The following CD5L variants were observed in gnomAD, a reference collection of about 807,000 sequenced individuals.
CD5L encodes the protein CD5 molecule like.
Under a neutral mutation model 40.8 loss-of-function variants are expected in CD5L, and 39 were observed. The observed-to-expected ratio is 0.96, with a 90% CI of 0.74 to 1.25. CD5L has a LOEUF of 1.25. CD5L is among the 50% of genes most tolerant of loss of function. The pLI is 0.00. For missense variants in CD5L, 433 were observed against 435.9 expected, an observed-to-expected ratio of 0.99 and a Z score of 0.06; for synonymous variants, 192 against 169.6, an observed-to-expected ratio of 1.13 and a Z score of -1.03.
intron 1 of CD5L, 48 bp downstream of exon 1, chr1:157,841,626 G>C: frequency 6.4e-7 from 1 of 1,571,578 alleles, no homozygotes; most frequent in Non-Finnish European, 8.7e-7. Context: ...CCTAATCAAA[G>C]TGCCAGAAAA....
At chr1:157,830,771 C>T (rs75442953), downstream of CD5L, 986 of 185,688 alleles carry the variant, frequency 5.3e-3, 11 homozygotes, top group African/African-American at 0.022. Context: ...GACAGTTGCA[C>T]ACCCAGAGGA....
intron 5 of CD5L, among the ~76,000 whole-genome samples, chr1:157,832,686 G>A (rs1476156155): frequency 6.6e-6 from 1 of 152,124 alleles, no homozygotes; most frequent in Non-Finnish European, 1.5e-5. Flanking sequence ...TTAAAATCTA[G>A]GAGTGATGAC....
chr1:157,829,031 G>A (rs1325443813), downstream of CD5L, among the ~76,000 whole-genome samples: 5 of 152,204 alleles, frequency 3.3e-5, no homozygotes, highest in Non-Finnish European at 7.3e-5. Flanking sequence ...GCTTCTGATA[G>A]CTCCTCTCCC....
At chr1:157,834,331 T>G in intron 4 of CD5L, 76 bp downstream of exon 4, 1 of 1,257,266 alleles carries the variant, frequency 8.0e-7, no homozygotes. Context: ...AGTAGCTCTT[T>G]GTAAATACTG....
At chr1:157,841,629 C>A in intron 1 of CD5L, 45 bp downstream of exon 1, 1 of 1,583,640 alleles carries the variant, frequency 6.3e-7, no homozygotes, top group African/African-American at 1.3e-5. Context: ...AATCAAAGTG[C>A]CAGAAAACTC....
intron 2 of CD5L, among the ~76,000 whole-genome samples, chr1:157,837,018 A>G (rs1656236620): frequency 6.6e-6 from 1 of 152,132 alleles, no homozygotes; most frequent in African/African-American, 2.4e-5. Flanking sequence ...GCACTTTGGG[A>G]GGCTGAGGCA....
intron 1 of CD5L, among the ~76,000 whole-genome samples, chr1:157,840,854 G>T (rs1185040279): frequency 6.6e-6 from 1 of 152,148 alleles, no homozygotes; most frequent in Admixed American, 6.5e-5. Flanking sequence ...TGAGTGATGT[G>T]GGGGATGCAT....
chr1:157,838,748 T>G (rs1656286724), intron 2 of CD5L, among the ~76,000 whole-genome samples: 1 of 152,140 alleles, frequency 6.6e-6, no homozygotes, highest in Non-Finnish European at 1.5e-5. Flanking sequence ...TAGCAATGTT[T>G]CTGGCTGCCC....
intron 1 of CD5L, 119 bp from the exon 2 acceptor site, chr1:157,839,529 A>G (rs1656308676): frequency 1.6e-5 from 16 of 1,006,434 alleles, no homozygotes; most frequent in South Asian, 7.7e-5. Context: ...AGAGCCTCCA[A>G]TGTCAGTCCT....
chr1:157,828,527 A>T (rs1471116886), downstream of CD5L, among the ~76,000 whole-genome samples: 3 of 152,200 alleles, frequency 2.0e-5, no homozygotes, highest in Non-Finnish European at 4.4e-5. Context: ...AATCAATGGC[A>T]TATGAGATTC....
intron 2 of CD5L, 89 bp downstream of exon 2, chr1:157,839,295 A>T: frequency 7.7e-7 from 1 of 1,298,196 alleles, no homozygotes; most frequent in Non-Finnish European, 1.1e-6. Flanking sequence ...CCTGTTTTGA[A>T]CAAGTCTTTC....
intron 2 of CD5L, among the ~76,000 whole-genome samples, chr1:157,836,675 T>G (rs771952203): frequency 6.6e-6 from 1 of 152,190 alleles, no homozygotes; most frequent in African/African-American, 2.4e-5. Context: ...GAAGTCAGAT[T>G]GAGGCAGAGT....
At chr1:157,829,996 G>A (rs1656004556), downstream of CD5L, among the ~76,000 whole-genome samples, 1 of 152,112 alleles carries the variant, frequency 6.6e-6, no homozygotes, top group African/African-American at 2.4e-5. Flanking sequence ...ATGTGGTAAA[G>A]CATTTTCTTT....
Position 157,841,807 on chromosome 1 carries a change from A to G in CD5L, c.-106T>C, listed in dbSNP as rs1571456515. The G allele has an allele frequency of 1.3e-5, 12 of 929,288 alleles. No homozygotes were observed. The East Asian group carries it at 3.1e-4, about 24-fold the overall frequency. The allele number at this position is 929,288 out of a possible 1,614,324, so 57.6% of individuals were successfully genotyped here. A position where few individuals can be genotyped will look rare whatever the true frequency, so the allele number is the denominator to read the frequency against. On this transcript the variant is annotated 5_prime_UTR_variant, in exon 1 of 6. Transcript: ENST00000368174. ...AAGTATGTTAAGAGGAGGGACAAAGACAGGTCCTGAGTGCAGGCAAAGCAT... is the reference window on the plus strand; with the variant it reads ...AAGTATGTTAAGAGGAGGGACAAAGGCAGGTCCTGAGTGCAGGCAAAGCAT...
Position 157,831,621 on chromosome 1 carries a change from G to C in CD5L, c.*343C>G, listed in dbSNP as rs1454966054. 1 of 1,111,494 alleles carries C rather than the reference G, an allele frequency of 9.0e-7. No individual in the cohort carries two copies. The highest frequency in any genetic ancestry group is 1.1e-6 in the Non-Finnish European group (1 of 911,696). 68.9% of individuals were successfully genotyped at this position (1,111,494 alleles called of 1,614,324 possible). ...GTTTGCAGACATAGACCTTAGTAAT[G>C]GTCTGCACATCTGACCAAAGTGACA... On this transcript the variant is annotated 3_prime_UTR_variant, in exon 6 of 6. Coordinates refer to ENST00000368174, the MANE Select transcript of CD5L (RefSeq NM_005894.3).
chr1:157,833,724 G>T (rs1006853834), intron 4 of CD5L, among the ~76,000 whole-genome samples: 9 of 149,616 alleles, frequency 6.0e-5, no homozygotes, highest in African/African-American at 2.2e-4. Context: ...TCCCACCTCA[G>T]CCTCCCGAGT....
intron 2 of CD5L, among the ~76,000 whole-genome samples, chr1:157,836,599 C>T (rs1476319956): frequency 1.3e-5 from 2 of 152,112 alleles, no homozygotes; most frequent in Admixed American, 1.3e-4. Flanking sequence ...AGCTCCAGGC[C>T]AGAACAGAGG....
chr1:157,839,221 G>T (rs966798606), intron 2 of CD5L, among the ~76,000 whole-genome samples, 163 bp downstream of exon 2: 9 of 152,170 alleles, frequency 5.9e-5, no homozygotes, highest in Non-Finnish European at 1.5e-5. Flanking sequence ...AATTCTGGAG[G>T]TGGAAATCTG....
chr1:157,836,237 C>G, intron 2 of CD5L, 82 bp from the exon 3 acceptor site: 1 of 1,133,526 alleles, frequency 8.8e-7, no homozygotes, highest in Non-Finnish European at 1.3e-6. Flanking sequence ...ATCTGGGACT[C>G]TTCCACCATT....
Sources: allele counts gnomAD v4.1 joint callset (sites outside exome capture counted in the v4.1 genomes callset), GRCh38; gene constraint gnomAD v4.1.1; transcripts MANE v1.5; gene names NCBI Gene and HGNC (gene_info 2026-07-23, HGNC 2026-07-21).